DRD2: variants seen among roughly 807,000 people sequenced by gnomAD.
DRD2 encodes dopamine receptor D2, also known as D(2) dopamine receptor.
In DRD2, 8 loss-of-function variants were observed where a neutral mutation model predicts 38.0. The ratio of observed to expected loss-of-function variants is 0.21; its 90% CI spans 0.12 to 0.38. DRD2 has a LOEUF of 0.38. DRD2 is among the 10% of genes least tolerant of loss of function. The pLI, the probability that DRD2 is intolerant of heterozygous loss-of-function variation, is 1.00. For synonymous variants in DRD2, 230 were observed against 238.6 expected, an observed-to-expected ratio of 0.96 and a Z score of 0.33; for missense variants, 403 against 607.7, an observed-to-expected ratio of 0.66 and a Z score of 3.54.
chr11:113,422,472 C>A (rs1014172624), intron 2 of DRD2, among the ~76,000 whole-genome samples: 1 of 152,124 alleles, frequency 6.6e-6, no homozygotes, highest in Non-Finnish European at 1.5e-5. Context: ...GACCTAGGAC[C>A]CTCCTTTGGA....
chr11:113,449,517 T>A (rs142699442), intron 1 of DRD2, among the ~76,000 whole-genome samples: 1 of 152,130 alleles, frequency 6.6e-6, no homozygotes, highest in African/African-American at 2.4e-5. Flanking sequence ...GAGCAGATCA[T>A]GTGAGCCAAG....
chr11:113,461,849 C>T (rs1431677625), intron 1 of DRD2, among the ~76,000 whole-genome samples: 1 of 152,154 alleles, frequency 6.6e-6, no homozygotes, highest in Non-Finnish European at 1.5e-5. Context: ...GGAGCAATTC[C>T]TGAGTTTCTT....
At position 113,453,364 on chromosome 11, in the gene DRD2, T is replaced by C. The variant is rs546995774; in HGVS notation, c.-32+21712A>G. 1.1e-3 allele frequency among the ~76,000 whole-genome samples: 170 copies of C among 152,328 alleles called. 1 individual carries two copies. The highest frequency in any genetic ancestry group is 3.8e-3 in the African/African-American group (159 of 41,576). The stretch of plus-strand genomic sequence containing the variant: ...TTGTTGTAAATTTTCAATGAGATAA[T>C]GTATGTTGAGTGAGGATACTGATGC... On this transcript the variant is annotated intron_variant, in intron 1 of 7. Transcript: ENST00000362072.
intron 2 of DRD2, among the ~76,000 whole-genome samples, chr11:113,421,702 C>A (rs540592594): frequency 6.6e-6 from 1 of 152,272 alleles, no homozygotes; most frequent in Non-Finnish European, 1.5e-5. Flanking sequence ...AGGAAAAAAT[C>A]TGGATGACAA....
At position 113,417,776 on chromosome 11, in the gene DRD2, T is replaced by G. The variant is rs1013335391; in HGVS notation, c.395+251A>C. Among the ~76,000 whole-genome samples the G allele has an allele frequency of 4.6e-5, 7 of 152,354 alleles. 1 individual carries two copies. The highest frequency in any genetic ancestry group is 6.5e-5 in the Admixed American group (1 of 15,314). Reference sequence around the variant, plus strand: ...TCCGTCAGAATCACAATCTTTCCCCTTTTGTACCAGTCACTGTCTGAGTAT... The same window carrying G: ...TCCGTCAGAATCACAATCTTTCCCCGTTTGTACCAGTCACTGTCTGAGTAT... On this transcript the variant is annotated intron_variant, in intron 3 of 7. Transcript: ENST00000362072.
chr11:113,424,250 C>CACTTTTTTTTTTTT, intron 2 of DRD2, 117 bp downstream of exon 2: 1 of 1,191,746 alleles, frequency 8.4e-7, no homozygotes, highest in South Asian at 1.4e-5. Flanking sequence ...AAGGAAAAAC[C>CACTTTTTTTTTTTT]ACCTGGGGAA....
At chr11:113,429,043 C>G (rs1950963138) in intron 1 of DRD2, among the ~76,000 whole-genome samples, 1 of 152,132 alleles carries the variant, frequency 6.6e-6, no homozygotes, top group Non-Finnish European at 1.5e-5. Context: ...TCCCTGTACC[C>G]AAGTTCTGAG....
Position 113,418,134 on chromosome 11 carries a change from C to T in DRD2, c.288G>A (p.Val96=). The change falls in exon 3 of 8, where the codon GTG becomes GTA. Residue 96 remains valine, a splice_region_variant and synonymous_variant. Coordinates refer to ENST00000362072, the MANE Select transcript of DRD2 (RefSeq NM_000795.4). ...LVMPWVVYLE[V]VGEWKFSRIH... ...TCCTGCTGAATTTCCACTCACCTAC[C>T]ACCTGGGGACAAAGCAACATAATGG... 2.5e-6 allele frequency: 4 copies of T among 1,613,426 alleles called. No individual in the cohort carries two copies. The highest frequency in any genetic ancestry group is 3.4e-6 in the Non-Finnish European group (4 of 1,179,364).
chr11:113,432,713 G>T (rs1950999196), intron 1 of DRD2, among the ~76,000 whole-genome samples: 1 of 151,960 alleles, frequency 6.6e-6, no homozygotes, highest in Non-Finnish European at 1.5e-5. Flanking sequence ...GTGGGTAAGA[G>T]GTTCCTTTCC....
intron 1 of DRD2, among the ~76,000 whole-genome samples, chr11:113,470,733 C>G (rs151067008): frequency 3.9e-5 from 6 of 152,350 alleles, no homozygotes; most frequent in African/African-American, 1.4e-4. Context: ...GCTCTCACCT[C>G]TGTACACTGT....
rs201877566 is a variant in DRD2, at chr11:113,410,597, C to G, written c.*130G>C. 8.4e-7 allele frequency: 1 copy of G among 1,189,418 alleles called. No individual in the cohort carries two copies. Among genetic ancestry groups the G allele is most frequent in the East Asian group, 2.3e-5 (1 of 42,758 alleles). The allele number at this position is 1,189,418 out of a possible 1,614,324, so 73.7% of individuals were successfully genotyped here. On this transcript the variant is annotated 3_prime_UTR_variant, in exon 8 of 8. Coordinates refer to ENST00000362072, the MANE Select transcript of DRD2 (RefSeq NM_000795.4). ...TGAGGAGCATGGAGCCAAGCGAACA[C>G]TGCAGGGCCTGCCGGGGTGAAGAGG...
chr11:113,430,354 C>T (rs1201572768), intron 1 of DRD2, among the ~76,000 whole-genome samples: 1 of 152,148 alleles, frequency 6.6e-6, no homozygotes, highest in Non-Finnish European at 1.5e-5. Flanking sequence ...TGAAGATGCA[C>T]CACTATTTTA....
At chr11:113,412,939 C>T (rs1591272755) in intron 6 of DRD2, 56 bp from the exon 7 acceptor site, 2 of 1,540,710 alleles carry the variant, frequency 1.3e-6, no homozygotes, top group Non-Finnish European at 1.8e-6. Flanking sequence ...AGGCATCAGC[C>T]ACCCATCTCA....
At chr11:113,420,759 G>A (rs1010091443) in intron 2 of DRD2, among the ~76,000 whole-genome samples, 15 of 152,190 alleles carry the variant, frequency 9.9e-5, no homozygotes, top group African/African-American at 3.6e-4. Flanking sequence ...AAGGAAAGAT[G>A]ATTATTTCAA....
intron 6 of DRD2, 101 bp from the exon 7 acceptor site, chr11:113,412,984 C>A: frequency 7.6e-7 from 1 of 1,319,540 alleles, no homozygotes; most frequent in South Asian, 1.3e-5. Context: ...AAGACTCCTG[C>A]AAACACCACA....
intron 1 of DRD2, among the ~76,000 whole-genome samples, chr11:113,425,385 A>G (rs1116313): frequency 0.44 from 67,345 of 152,038 alleles, 17,476 homozygotes; most frequent in Non-Finnish European, 0.6. Context: ...AGAGGTAGAG[A>G]GGTAGACAGC....
chr11:113,416,813 G>T (rs1372333650), intron 4 of DRD2, 50 bp downstream of exon 4: 5 of 1,605,054 alleles, frequency 3.1e-6, no homozygotes, highest in Non-Finnish European at 4.3e-6. Flanking sequence ...CTTCGAGGGA[G>T]CAGGGGCCCA....
intron 1 of DRD2, among the ~76,000 whole-genome samples, chr11:113,445,779 C>G (rs561035699): frequency 2.6e-4 from 39 of 152,222 alleles, no homozygotes; most frequent in Non-Finnish European, 2.8e-4. Flanking sequence ...CATGTGCTCT[C>G]CATGAATCCT....
At chr11:113,446,423 C>G (rs561696493) in intron 1 of DRD2, among the ~76,000 whole-genome samples, 67 of 152,364 alleles carry the variant, frequency 4.4e-4, no homozygotes, top group African/African-American at 1.3e-3. Context: ...GTCTTGCACA[C>G]TGTACACACC....
Sources: allele counts gnomAD v4.1 joint callset (sites outside exome capture counted in the v4.1 genomes callset), GRCh38; gene constraint gnomAD v4.1.1; transcripts MANE v1.5; gene names NCBI Gene and HGNC (gene_info 2026-07-23, HGNC 2026-07-21).